The following EXOC6B variants were observed in gnomAD, a reference collection of about 807,000 sequenced individuals.
EXOC6B encodes the protein SEC15 homolog B.
In EXOC6B, 54 loss-of-function variants were observed where a neutral mutation model predicts 113.5. That is an observed-to-expected ratio of 0.48 (90% confidence interval 0.38 to 0.60). The LOEUF (loss-of-function observed/expected upper bound fraction) is 0.60. Among genes scored for constraint, EXOC6B ranks in the 20% least tolerant of loss-of-function variants. The pLI, the probability that EXOC6B is intolerant of heterozygous loss-of-function variation, is 0.00. For missense variants in EXOC6B, 797 were observed against 977.5 expected (o/e 0.82, Z 2.46); for synonymous variants, 357 against 339.0 (o/e 1.05, Z -0.58).
At chr2:72,180,627 G>GAGA (rs888633613) in intron 21 of EXOC6B, among the ~76,000 whole-genome samples, 12 of 152,116 alleles carry the variant, frequency 7.9e-5, no homozygotes, top group African/African-American at 2.2e-4. Flanking sequence ...AAGAGAGGAG[G>GAGA]GAAGGAACAT....
chr2:72,479,897 G>A (rs1008804075), intron 17 of EXOC6B, among the ~76,000 whole-genome samples: 5 of 152,142 alleles, frequency 3.3e-5, no homozygotes, highest in African/African-American at 9.6e-5. Context: ...TCACTAAAAA[G>A]TAAGATTAAA....
chr2:72,823,479 C>CAAAAA (rs1214480106), intron 1 of EXOC6B, among the ~76,000 whole-genome samples: 17 of 95,322 alleles, frequency 1.8e-4, no homozygotes, highest in African/African-American at 5.2e-4. Flanking sequence ...AAAAAAAAAA[C>CAAAAA]AAAAAACAAA....
At chr2:72,821,144 C>T (rs1312212438) in intron 1 of EXOC6B, among the ~76,000 whole-genome samples, 1 of 151,956 alleles carries the variant, frequency 6.6e-6, no homozygotes, top group Non-Finnish European at 1.5e-5. Flanking sequence ...ACTCCTACAA[C>T]TCAACCAAAA....
At chr2:72,407,027 G>C (rs1164580522) in intron 18 of EXOC6B, among the ~76,000 whole-genome samples, 5 of 152,084 alleles carry the variant, frequency 3.3e-5, no homozygotes, top group African/African-American at 1.2e-4. Flanking sequence ...AAATGATAAA[G>C]GGGATATCAC....
intron 5 of EXOC6B, among the ~76,000 whole-genome samples, chr2:72,720,621 C>T (rs1679933834): frequency 6.6e-6 from 1 of 152,092 alleles, no homozygotes; most frequent in South Asian, 2.1e-4. Context: ...GGTGTGGTGG[C>T]GTGCACCCGT....
intron 2 of EXOC6B, among the ~76,000 whole-genome samples, chr2:72,741,059 G>A (rs897076860): frequency 2.0e-5 from 3 of 150,498 alleles, no homozygotes; most frequent in Non-Finnish European, 3.0e-5. Context: ...AACCGAGATC[G>A]CACCACTGCA....
At position 72,495,444 on chromosome 2, in the gene EXOC6B, T is replaced by C. The variant is rs781416026; in HGVS notation, c.1539A>G (p.Glu513=). The C allele has an allele frequency of 6.4e-7, 1 of 1,564,538 alleles. No homozygotes were observed. The highest frequency in any genetic ancestry group is 1.4e-5 in the African/African-American group (1 of 73,918). Residue 513 remains glutamate (E), a synonymous_variant, in exon 15 of 22, where the codon GAA becomes GAG. Transcript: ENST00000272427. Reference sequence around the variant, plus strand: ...TTGTATTATACCTTAGATGAAGATCTTCTGAAAACTTCAGACAAGCGTAGA... The same window carrying C: ...TTGTATTATACCTTAGATGAAGATCCTCTGAAAACTTCAGACAAGCGTAGA... ...EFIYACLKFS[E]DLHLSSTEVD... is the part of the protein sequence containing the mutation.
At chr2:72,363,387 G>A (rs762973061) in intron 19 of EXOC6B, among the ~76,000 whole-genome samples, 79 of 152,038 alleles carry the variant, frequency 5.2e-4, no homozygotes, top group Admixed American at 2.6e-4. Context: ...TAATCAAGCC[G>A]AGAATTAGAA....
intron 18 of EXOC6B, among the ~76,000 whole-genome samples, chr2:72,399,151 CA>C (rs1209672816): frequency 6.6e-6 from 1 of 151,968 alleles, no homozygotes; most frequent in African/African-American, 2.4e-5. Flanking sequence ...AAAGACAATT[CA>C]ATATATGCAA....
chr2:72,199,919 G>A (rs781430942), intron 20 of EXOC6B, among the ~76,000 whole-genome samples: 4 of 151,742 alleles, frequency 2.6e-5, no homozygotes, highest in East Asian at 1.9e-4. Flanking sequence ...ATTTTGAGAC[G>A]GAGTTTCATT....
chr2:72,823,459 G>GAAAAAAAAAAAAAAAAAAAA (rs1237385156), intron 1 of EXOC6B, among the ~76,000 whole-genome samples: 8 of 70,026 alleles, frequency 1.1e-4, no homozygotes, highest in African/African-American at 1.6e-4. Context: ...AAAGTTTTAA[G>GAAAAAAAAAAAAAAAAAAAA]AAAAAAAAAA....
At chr2:72,409,887 A>G (rs528366779) in intron 18 of EXOC6B, among the ~76,000 whole-genome samples, 1 of 152,246 alleles carries the variant, frequency 6.6e-6, no homozygotes, top group South Asian at 2.1e-4. Flanking sequence ...ATATATGTAT[A>G]CCAATAAAAA....
chr2:72,322,178 T>C (rs1411823892), intron 20 of EXOC6B, among the ~76,000 whole-genome samples: 2 of 152,092 alleles, frequency 1.3e-5, no homozygotes, highest in East Asian at 1.9e-4. Flanking sequence ...AAAATGTTCA[T>C]AAATGTCAAA....
At chr2:72,370,593 C>T (rs1214394374) in intron 19 of EXOC6B, among the ~76,000 whole-genome samples, 1 of 152,140 alleles carries the variant, frequency 6.6e-6, no homozygotes, top group East Asian at 1.9e-4. Flanking sequence ...CTCACAATGG[C>T]AAAGACTTGG....
chr2:72,784,410 T>C (rs370853745), intron 1 of EXOC6B, among the ~76,000 whole-genome samples: 7 of 152,344 alleles, frequency 4.6e-5, no homozygotes, highest in East Asian at 3.9e-4. Context: ...AAGGATTGCA[T>C]TGAATCTGTA....
At chr2:72,762,212 C>A (rs895470102) in intron 1 of EXOC6B, among the ~76,000 whole-genome samples, 2 of 149,812 alleles carry the variant, frequency 1.3e-5, no homozygotes, top group Non-Finnish European at 3.0e-5. Context: ...CCACTGAACT[C>A]CAGCCTGGCA....
At chr2:72,208,763 T>C (rs1035706835) in intron 20 of EXOC6B, among the ~76,000 whole-genome samples, 1 of 152,204 alleles carries the variant, frequency 6.6e-6, no homozygotes, top group African/African-American at 2.4e-5. Context: ...TCTCTTGTAT[T>C]CTCTTACTAG....
At chr2:72,565,545 C>T (rs1027483952) in intron 7 of EXOC6B, among the ~76,000 whole-genome samples, 4 of 151,640 alleles carry the variant, frequency 2.6e-5, no homozygotes, top group African/African-American at 9.7e-5. Flanking sequence ...AGGTTAAAAT[C>T]GCTACATTAT....
chr2:72,277,486 T>C (rs1229786075), intron 20 of EXOC6B, among the ~76,000 whole-genome samples: 6 of 151,972 alleles, frequency 3.9e-5, no homozygotes, highest in South Asian at 2.1e-4. Flanking sequence ...TTAGAAAGTA[T>C]GTATTTGTTT....
Sources: allele counts gnomAD v4.1 joint callset (sites outside exome capture counted in the v4.1 genomes callset), GRCh38; gene constraint gnomAD v4.1.1; transcripts MANE v1.5; gene names NCBI Gene and HGNC (gene_info 2026-07-23, HGNC 2026-07-21).